Variants in KCNAB1 observed in about 807,000 individuals in gnomAD.
The protein encoded by KCNAB1 is voltage-gated potassium channel subunit beta-1.
Under a neutral mutation model 64.6 loss-of-function variants are expected in KCNAB1, and 35 were observed. The observed-to-expected ratio is 0.54, with a 90% CI of 0.41 to 0.72. The LOEUF is 0.72. Ranked by LOEUF, KCNAB1 falls within the 30% of genes least tolerant of loss-of-function variation. KCNAB1 has a pLI of 0.00. For missense variants in KCNAB1, 401 were observed against 512.9 expected (o/e 0.78, Z 2.11); for synonymous variants, 177 against 183.8 (o/e 0.96, Z 0.30).
At chr3:156,275,665 G>A (rs1013910493) in intron 1 of KCNAB1, among the ~76,000 whole-genome samples, 4 of 152,186 alleles carry the variant, frequency 2.6e-5, no homozygotes, top group Admixed American at 6.5e-5. Context: ...TTTACCAGGA[G>A]TAGATTCCAT....
chr3:156,459,794 G>A (rs1261591545), intron 4 of KCNAB1, 33 bp from the exon 5 acceptor site: 4 of 1,544,620 alleles, frequency 2.6e-6, no homozygotes, highest in Admixed American at 1.7e-5. Flanking sequence ...CCAGGACACT[G>A]CATTCTAAGA....
intron 1 of KCNAB1, among the ~76,000 whole-genome samples, chr3:156,391,154 G>C (rs1169559337): frequency 6.6e-6 from 1 of 152,132 alleles, no homozygotes; most frequent in Non-Finnish European, 1.5e-5. Flanking sequence ...ATGTAATGTG[G>C]CAGAGTGGCA....
intron 6 of KCNAB1, among the ~76,000 whole-genome samples, chr3:156,464,779 A>C (rs959906934): frequency 1.4e-4 from 21 of 152,184 alleles, no homozygotes; most frequent in African/African-American, 4.8e-4. Flanking sequence ...CATCATGCCT[A>C]TGAGAAATGT....
intron 1 of KCNAB1, among the ~76,000 whole-genome samples, chr3:156,137,315 TA>T (rs1714410324): frequency 6.6e-6 from 1 of 152,100 alleles, no homozygotes; most frequent in South Asian, 2.1e-4. Context: ...CTGAAGATGC[TA>T]CCTTTGGGTC....
intron 1 of KCNAB1, among the ~76,000 whole-genome samples, chr3:156,136,268 A>G (rs980861381): frequency 1.3e-5 from 2 of 152,216 alleles, no homozygotes; most frequent in African/African-American, 4.8e-5. Context: ...ATCAAATACA[A>G]TATTTCTTAT....
chr3:156,327,482 A>G (rs1576729442), intron 1 of KCNAB1, among the ~76,000 whole-genome samples: 1 of 152,164 alleles, frequency 6.6e-6, no homozygotes, highest in Admixed American at 6.6e-5. Context: ...CAAGTTAGAT[A>G]TACCATTAAT....
rs1470489844 is a variant in KCNAB1, at chr3:156,536,956, C to G, written c.*209C>G. On this transcript the variant is annotated 3_prime_UTR_variant, in exon 14 of 14. Transcript: ENST00000490337. ...AAGAAAATCCATTCTATTTTCTTAT[C>G]TTGGACTGGAGTCACCTATTCTTGC... 3.4e-6 allele frequency: 2 copies of G among 596,414 alleles called. No individual in the cohort carries two copies. The highest frequency in any genetic ancestry group is 2.8e-5 in the East Asian group (1 of 36,208). 36.9% of individuals were successfully genotyped at this position (596,414 alleles called of 1,614,324 possible). A position where few individuals can be genotyped will look rare whatever the true frequency, so the allele number is the denominator to read the frequency against.
chr3:156,352,042 G>A (rs1347000967), intron 1 of KCNAB1, among the ~76,000 whole-genome samples: 3 of 152,244 alleles, frequency 2.0e-5, no homozygotes, highest in Non-Finnish European at 2.9e-5. Context: ...TGGCTCAGGG[G>A]CTGCTACCCA....
At chr3:156,339,359 C>A (rs1723943552) in intron 1 of KCNAB1, among the ~76,000 whole-genome samples, 1 of 152,106 alleles carries the variant, frequency 6.6e-6, no homozygotes, top group African/African-American at 2.4e-5. Flanking sequence ...TAATAACACC[C>A]CCCGCCACAC....
intron 1 of KCNAB1, among the ~76,000 whole-genome samples, chr3:156,265,756 A>G (rs935289625): frequency 2.6e-5 from 4 of 152,180 alleles, no homozygotes; most frequent in African/African-American, 7.2e-5. Context: ...GCACTTTGGG[A>G]GTCCGAGGTG....
intron 1 of KCNAB1, among the ~76,000 whole-genome samples, chr3:156,260,632 A>C (rs575535641): frequency 6.6e-6 from 1 of 152,338 alleles, no homozygotes; most frequent in East Asian, 1.9e-4. Context: ...ATAGAGTTCC[A>C]TAAATACAAC....
intron 1 of KCNAB1, among the ~76,000 whole-genome samples, chr3:156,285,452 A>C (rs1417810350): frequency 6.6e-6 from 1 of 151,792 alleles, no homozygotes; most frequent in African/African-American, 2.4e-5. Flanking sequence ...GCTTATGAGA[A>C]GTTAACTACC....
At chr3:156,438,128 C>A (rs1202382600) in intron 2 of KCNAB1, among the ~76,000 whole-genome samples, 2 of 152,218 alleles carry the variant, frequency 1.3e-5, no homozygotes, top group East Asian at 1.9e-4. Flanking sequence ...AGATCACTGG[C>A]CTGGATAAGG....
chr3:156,178,756 C>T (rs1712566872), intron 1 of KCNAB1, among the ~76,000 whole-genome samples: 1 of 152,050 alleles, frequency 6.6e-6, no homozygotes. Flanking sequence ...AATCCTAGCA[C>T]TTTGGGAGGC....
chr3:156,324,605 G>A (rs1277875909), intron 1 of KCNAB1, among the ~76,000 whole-genome samples: 4 of 152,222 alleles, frequency 2.6e-5, no homozygotes, highest in South Asian at 2.1e-4. Context: ...TCTCAAGTTC[G>A]GAACTGATAC....
intron 8 of KCNAB1, among the ~76,000 whole-genome samples, chr3:156,495,176 T>C (rs1355864452): frequency 1.3e-5 from 2 of 152,126 alleles, no homozygotes; most frequent in Non-Finnish European, 1.5e-5. Flanking sequence ...TCCAGCTCCA[T>C]CCATGTCCCT....
chr3:156,427,802 G>C (rs1173179694), intron 2 of KCNAB1, among the ~76,000 whole-genome samples: 1 of 152,146 alleles, frequency 6.6e-6, no homozygotes, highest in Non-Finnish European at 1.5e-5. Context: ...TCTAGGCTGG[G>C]TTTAGACCCA....
chr3:156,281,782 GT>G (rs1719742937), intron 1 of KCNAB1, among the ~76,000 whole-genome samples: 1 of 150,830 alleles, frequency 6.6e-6, no homozygotes, highest in Admixed American at 6.6e-5. Context: ...CCTGATGGTA[GT>G]TTGTATTTCT....
intron 1 of KCNAB1, among the ~76,000 whole-genome samples, chr3:156,342,214 G>A (rs1171684987): frequency 1.3e-5 from 2 of 152,120 alleles, no homozygotes; most frequent in Non-Finnish European, 2.9e-5. Flanking sequence ...TTTCCTCTAC[G>A]CCACCTCAAC....
Sources: gnomAD v4.1 joint callset for allele counts (sites outside exome capture counted in the v4.1 genomes callset) on GRCh38, gnomAD v4.1.1 for gene constraint, MANE v1.5 for transcripts, NCBI Gene and HGNC (gene_info 2026-07-23, HGNC 2026-07-21) for gene names.